Variants in NPHP3 observed in about 807,000 individuals in gnomAD.
NPHP3 encodes the protein nephrocystin 3, also known as nephrocystin-3.
A neutral mutation model predicts 171.9 loss-of-function variants in NPHP3; 123 were observed. The observed-to-expected ratio is 0.72, with a 90% CI of 0.62 to 0.83. The LOEUF (loss-of-function observed/expected upper bound fraction) is 0.83. NPHP3 is among the 40% of genes least tolerant of loss of function. The probability of loss-of-function intolerance (pLI) is 0.00; values close to 1 mark genes in which losing one functional copy is unlikely to be tolerated. For synonymous variants in NPHP3, 558 were observed against 579.2 expected, an observed-to-expected ratio of 0.96 and a Z score of 0.52; for missense variants, 1,506 against 1,591.9, an observed-to-expected ratio of 0.95 and a Z score of 0.92.
chr3:132,699,834 A>G lies in NPHP3; in HGVS notation c.1887+84T>C, dbSNP rs1040818499. 35 of 1,432,348 alleles carry G rather than the reference A, an allele frequency of 2.4e-5. No homozygotes were observed. In the African/African-American group the frequency reaches 4.3e-4, roughly 18 times the overall value. 88.7% of individuals were successfully genotyped at this position (1,432,348 alleles called of 1,614,324 possible). On this transcript the variant is annotated intron_variant, in intron 12 of 26. Coordinates refer to ENST00000337331, the MANE Select transcript of NPHP3 (RefSeq NM_153240.5). ...AAATAACATCATATTTTCTTCTCACAAACATATAAATGCCTGCTCTAGCTA... is the reference window on the plus strand; with the variant it reads ...AAATAACATCATATTTTCTTCTCACGAACATATAAATGCCTGCTCTAGCTA...
intron 26 of NPHP3, 199 bp from the exon 27 acceptor site, chr3:132,682,289 A>C: frequency 1.6e-6 from 1 of 606,210 alleles, no homozygotes; most frequent in Admixed American, 2.9e-5. Context: ...TTTGTGTCTC[A>C]TATGGATATC....
rs553803208 is a variant in NPHP3, at chr3:132,714,566, A to T, written c.957+519T>A. ...GTCACTTTCTCTGCAAAAAAAAAAA[A>T]TAAATAAATTAAATTAGCCGTATGT... On this transcript the variant is annotated intron_variant, in intron 5 of 26. Transcript: ENST00000337331. 2.7e-3 allele frequency among the ~76,000 whole-genome samples: 403 copies of T among 149,348 alleles called. 3 individuals are homozygous for T. The highest frequency in any genetic ancestry group is 9.5e-3 in the African/African-American group (381 of 40,262).
At chr3:132,687,027 A>G in intron 22 of NPHP3, 124 bp downstream of exon 22, 1 of 613,350 alleles carries the variant, frequency 1.6e-6, no homozygotes, top group Admixed American at 2.9e-5. Context: ...AATGTTAAGT[A>G]GTTCTCTTCT....
chr3:132,708,324 C>G, intron 6 of NPHP3, 67 bp from the exon 7 acceptor site: 1 of 1,482,030 alleles, frequency 6.7e-7, no homozygotes, highest in Admixed American at 1.7e-5. Flanking sequence ...GTTAATCAAC[C>G]TAAGTGCCAA....
chr3:132,717,279 C>T, intron 3 of NPHP3: 1 of 223,614 alleles, frequency 4.5e-6, no homozygotes, highest in South Asian at 5.8e-5. Flanking sequence ...ACCTCAAAGG[C>T]AGACTGTTAC....
chr3:132,715,009 C>T (rs1576684429), intron 5 of NPHP3, 76 bp downstream of exon 5: 1 of 1,213,480 alleles, frequency 8.2e-7, no homozygotes. Flanking sequence ...GGTTGAGATA[C>T]AGTAGTATCA....
intron 17 of NPHP3, among the ~76,000 whole-genome samples, chr3:132,692,213 A>G (rs1451640960): frequency 6.6e-6 from 1 of 152,230 alleles, no homozygotes; most frequent in Non-Finnish European, 1.5e-5. Flanking sequence ...TGTACCATCT[A>G]GATTTGTGTA....
intron 17 of NPHP3, among the ~76,000 whole-genome samples, chr3:132,692,033 T>C (rs1336547413): frequency 3.3e-5 from 5 of 152,236 alleles, no homozygotes; most frequent in South Asian, 2.1e-4. Context: ...AGCTGCCCTA[T>C]ACAGGCATAC....
Position 132,686,369 on chromosome 3 carries a change from G to A in NPHP3, c.3220C>T (p.Arg1074Cys), listed in dbSNP as rs750800732. The part of the protein sequence containing the change: ...KGNLYGFALL[R>C]RRALQLEELT... ...TCTTCTAACTGTAAAGCCCGTCTAC[G>A]TAAAAGGGCAAATCCGTACTGCAGC... Residue 1074 changes from arginine (R) to cysteine (C), a missense_variant, in exon 23 of 27, where the codon CGT (arginine) becomes TGT (cysteine). Arg to Cys is a radical substitution (Grantham distance 180, BLOSUM62 -3). Around this residue, in one of 3 missense-constraint regions of NPHP3, gnomAD observed 569 missense variants for 648.1 expected, o/e 0.88. Transcript: ENST00000337331. 26 of 1,614,014 alleles carry A rather than the reference G, an allele frequency of 1.6e-5. No individual in the cohort carries two copies. Among genetic ancestry groups the A allele is most frequent in the Non-Finnish European group, 1.9e-5 (22 of 1,179,944 alleles).
intron 10 of NPHP3, 144 bp from the exon 11 acceptor site, chr3:132,700,592 T>C (rs2107981618): frequency 1.8e-6 from 1 of 560,474 alleles, no homozygotes; most frequent in Non-Finnish European, 3.1e-6. Flanking sequence ...TATGGAGATT[T>C]CTGTTTTTAC....
In NPHP3 at chr3:132,684,606, T is replaced by A; in HGVS notation, c.3518A>T (p.His1173Leu). ...DIRRRALAPD[H>L]PSLAYTVKHL... ...CTTCACCGTATATGCCAAAGAAGGG[T>A]GATCAGGAGCTAATGCACGTCTCCG... is the stretch of plus-strand genomic sequence containing the variant. Residue 1173 changes from histidine (H) to leucine (L), a missense_variant, in exon 24 of 27, where the codon CAC becomes CTC. Transcript: ENST00000337331. The A allele has an allele frequency of 1.9e-6, 3 of 1,614,040 alleles. No individual in the cohort carries two copies. Among genetic ancestry groups the A allele is most frequent in the Non-Finnish European group, 2.5e-6 (3 of 1,179,924 alleles).
At chr3:132,682,387 CAA>C (rs1939053058) in intron 26 of NPHP3, 2 of 547,302 alleles carry the variant, frequency 3.7e-6, no homozygotes, top group Non-Finnish European at 3.3e-6. Flanking sequence ...AATGAGCAAG[CAA>C]AAGTCAACAT....
At chr3:132,718,895 T>C (rs1454975236) in intron 3 of NPHP3, 99 bp downstream of exon 3, 8 of 1,214,086 alleles carry the variant, frequency 6.6e-6, no homozygotes, top group East Asian at 2.3e-5. Context: ...AATAACCTAA[T>C]ATAGATAAGT....
At chr3:132,710,004 G>T (rs1424721883) in intron 6 of NPHP3, among the ~76,000 whole-genome samples, 2 of 152,122 alleles carry the variant, frequency 1.3e-5, no homozygotes, top group African/African-American at 4.8e-5. Context: ...GACCCATGGG[G>T]CTCAGATAAA....
At chr3:132,702,320 G>A (rs1279932862) in intron 9 of NPHP3, among the ~76,000 whole-genome samples, 1 of 152,070 alleles carries the variant, frequency 6.6e-6, no homozygotes, top group Non-Finnish European at 1.5e-5. Flanking sequence ...ATAACAGCAG[G>A]TTTTGTCTGG....
chr3:132,707,422 G>A (rs939258573), intron 7 of NPHP3, among the ~76,000 whole-genome samples: 2 of 151,892 alleles, frequency 1.3e-5, no homozygotes, highest in Admixed American at 1.3e-4. Context: ...AGTGAGATAT[G>A]AACAAGCTAC....
intron 16 of NPHP3, 101 bp downstream of exon 16, chr3:132,694,726 A>C (rs902278673): frequency 3.6e-6 from 5 of 1,404,504 alleles, no homozygotes; most frequent in Non-Finnish European, 5.0e-6. Context: ...ATATGCCTGA[A>C]ACATATTTAA....
Position 132,699,464 on chromosome 3 carries a change from A to C in NPHP3, c.1888-14T>G. On this transcript the variant is annotated splice_polypyrimidine_tract_variant and intron_variant, in intron 12 of 26. Coordinates refer to ENST00000337331, the MANE Select transcript of NPHP3 (RefSeq NM_153240.5). ...TTTTTCAACTTGCTTAAAAATATAA[A>C]AACAAAATTCAATCTATTAATCAAA... The C allele has an allele frequency of 1.3e-6, 2 of 1,552,878 alleles. No homozygotes were observed. The highest frequency in any genetic ancestry group is 1.8e-6 in the Non-Finnish European group (2 of 1,131,324).
chr3:132,694,733 T>C (rs1018775286), intron 16 of NPHP3, 94 bp downstream of exon 16: 1 of 1,480,868 alleles, frequency 6.8e-7, no homozygotes, highest in Non-Finnish European at 9.3e-7. Context: ...TGAAACATAT[T>C]TAAGCACAAA....
Sources: allele counts gnomAD v4.1 joint callset (sites outside exome capture counted in the v4.1 genomes callset), GRCh38; gene constraint gnomAD v4.1.1; regional missense constraint gnomAD v4.1.1; transcripts MANE v1.5; gene names NCBI Gene and HGNC (gene_info 2026-07-23, HGNC 2026-07-21).